Variants in LRRC4C observed in about 807,000 individuals in gnomAD.
LRRC4C encodes the protein leucine rich repeat containing 4C, also known as leucine-rich repeat-containing protein 4C.
LRRC4C carries 5 observed loss-of-function variants against 33.6 expected under a neutral mutation model. That is an observed-to-expected ratio of 0.15 (90% CI 0.08 to 0.31). The LOEUF is 0.31. Among genes scored for constraint, LRRC4C ranks in the 10% least tolerant of loss-of-function variants. LRRC4C has a pLI of 1.00. For synonymous variants in LRRC4C, 329 were observed against 302.0 expected, an observed-to-expected ratio of 1.09 and a Z score of -0.93; for missense variants, 560 against 796.7, an observed-to-expected ratio of 0.70 and a Z score of 3.58.
At chr11:40,172,770 C>T (rs999394112) in intron 5 of LRRC4C, among the ~76,000 whole-genome samples, 3 of 152,060 alleles carry the variant, frequency 2.0e-5, no homozygotes, top group African/African-American at 7.2e-5. Flanking sequence ...ATTCATAATG[C>T]TCTGTGTTAT....
rs774619658 is a variant in LRRC4C, at chr11:40,115,185, C to T, written c.1108G>A (p.Ala370Thr). 1.9e-6 allele frequency: 3 copies of T among 1,614,216 alleles called. No individual in the cohort carries two copies. The highest frequency in any genetic ancestry group is 4.5e-5 in the East Asian group (2 of 44,880). Residue 370 changes from alanine (A) to threonine (T), a missense_variant, in exon 7 of 7, where the codon GCA becomes ACA. Ala to Thr is a moderately conservative substitution (Grantham distance 58). Transcript: ENST00000528697. The surrounding 1 kb of genome is among the most constrained non-coding windows in gnomAD (Gnocchi z 6.7). ...GAGGCCCGACATTTCAGCTCAGCTG[C>T]CATGCCTTCAGTGACATTGAGGTCT... Reference protein sequence around the residue: ...PADLNVTEGMAAELKCRASTS... With the variant: ...PADLNVTEGMTAELKCRASTS...
chr11:40,793,374 C>T (rs771529607), intron 2 of LRRC4C, among the ~76,000 whole-genome samples: 7 of 152,106 alleles, frequency 4.6e-5, no homozygotes, highest in Non-Finnish European at 1.0e-4. Context: ...AAATAAACTT[C>T]CTGGTATAAA....
chr11:40,140,338 C>T (rs187863424), intron 6 of LRRC4C, among the ~76,000 whole-genome samples: 1 of 152,052 alleles, frequency 6.6e-6, no homozygotes, highest in Non-Finnish European at 1.5e-5. Flanking sequence ...TATGTGTATG[C>T]GATGGTTTGC....
Position 41,416,613 on chromosome 11 carries a change from G to T in LRRC4C, c.-496+42818C>A, listed in dbSNP as rs117396939. Among the ~76,000 whole-genome samples the T allele has an allele frequency of 5.1e-3, 770 of 152,072 alleles. 3 individuals are homozygous for T. Among genetic ancestry groups the T allele is most frequent in the Non-Finnish European group, 7.9e-3 (540 of 67,938 alleles). On this transcript the variant is annotated intron_variant, in intron 1 of 6. Transcript: ENST00000528697. ...TTCTTTTCTGAATCTCATGGCTGGG[G>T]GACAGTGCGTGCAAGGGAAGGAGTA...
rs564081049 is a variant in LRRC4C at position 41,253,298 on chromosome 11, C to A, written c.-496+206133G>T. On this transcript the variant is annotated intron_variant, in intron 1 of 6. Transcript: ENST00000528697. ...GAATTCTCTTGGCTAATTCTTTTCA[C>A]TTTCTTTAATTATCTTTCCCACTAA... Among the ~76,000 whole-genome samples the A allele has an allele frequency of 8.5e-5, 13 of 152,190 alleles. No homozygotes were observed. The South Asian group carries it at 1.9e-3, about 22-fold the overall frequency.
rs1366549332 is a variant in LRRC4C, at chr11:40,275,677, T to G, written c.-175-34079A>C. On this transcript the variant is annotated intron_variant, in intron 4 of 6. Coordinates refer to ENST00000528697, the MANE Select transcript of LRRC4C (RefSeq NM_001258419.2). ...CACACTACTAGGTGGGTTCCCCTAA[T>G]GGAGAAGGTTGGCTGGCCCCAAGTG... Among the ~76,000 whole-genome samples, 3 of 152,204 alleles carry G rather than the reference T, an allele frequency of 2.0e-5. No individual in the cohort carries two copies. In the East Asian group the frequency reaches 5.8e-4, roughly 29 times the overall value.
intron 1 of LRRC4C, among the ~76,000 whole-genome samples, chr11:41,122,107 A>C (rs1942465935): frequency 6.6e-6 from 1 of 152,130 alleles, no homozygotes; most frequent in Non-Finnish European, 1.5e-5. Flanking sequence ...AAAAGCAAAA[A>C]TATATATAAA....
intron 1 of LRRC4C, among the ~76,000 whole-genome samples, chr11:40,943,529 A>G (rs771125119): frequency 1.3e-5 from 2 of 152,180 alleles, no homozygotes; most frequent in Non-Finnish European, 2.9e-5. Flanking sequence ...AGAGTAAGGG[A>G]TCATTTAAAC....
At chr11:40,287,019 T>C (rs1943889040) in intron 4 of LRRC4C, among the ~76,000 whole-genome samples, 1 of 152,142 alleles carries the variant, frequency 6.6e-6, no homozygotes, top group Non-Finnish European at 1.5e-5. Context: ...ATTTTGGGAA[T>C]ACTAAATTCC....
chr11:40,466,850 TA>T (rs1952676975), intron 3 of LRRC4C, among the ~76,000 whole-genome samples: 1 of 152,124 alleles, frequency 6.6e-6, no homozygotes, highest in South Asian at 2.1e-4. Context: ...TCTTCTCCTG[TA>T]AATTGGTTTT....
intron 2 of LRRC4C, among the ~76,000 whole-genome samples, chr11:40,762,998 A>G (rs762208032): frequency 1.3e-5 from 2 of 150,918 alleles, no homozygotes; most frequent in South Asian, 4.2e-4. Flanking sequence ...CTCAAAAATA[A>G]GAAAAGATAC....
chr11:41,019,563 AT>A (rs1235243283), intron 1 of LRRC4C, among the ~76,000 whole-genome samples: 1 of 152,018 alleles, frequency 6.6e-6, no homozygotes, highest in Non-Finnish European at 1.5e-5. Flanking sequence ...CTCAAATGGT[AT>A]TTCTGACTCT....
intron 5 of LRRC4C, among the ~76,000 whole-genome samples, chr11:40,216,683 G>T (rs561660604): frequency 6.6e-6 from 1 of 152,090 alleles, no homozygotes. Context: ...GCATAAAAGC[G>T]TTCTGTGAAT....
chr11:40,131,369 C>A (rs935157268), intron 6 of LRRC4C, among the ~76,000 whole-genome samples: 2 of 151,976 alleles, frequency 1.3e-5, no homozygotes, highest in African/African-American at 4.8e-5. Flanking sequence ...AAGTAAATTA[C>A]CAAAAATCAG....
intron 4 of LRRC4C, among the ~76,000 whole-genome samples, chr11:40,272,485 A>C (rs1156566100): frequency 6.6e-6 from 1 of 152,130 alleles, no homozygotes; most frequent in African/African-American, 2.4e-5. Flanking sequence ...TCTATTCTTT[A>C]ACCAAGATCC....
At chr11:40,938,945 A>G (rs1049999032) in intron 1 of LRRC4C, among the ~76,000 whole-genome samples, 2 of 152,212 alleles carry the variant, frequency 1.3e-5, no homozygotes, top group Non-Finnish European at 2.9e-5. Context: ...GTGGCCACAC[A>G]GGGCTGGGAC....
At chr11:40,677,908 T>A (rs1279481578) in intron 2 of LRRC4C, among the ~76,000 whole-genome samples, 1 of 152,060 alleles carries the variant, frequency 6.6e-6, no homozygotes, top group African/African-American at 2.4e-5. Context: ...TTACGTGCTA[T>A]CTTGAGTGGT....
chr11:40,193,354 A>C (rs1862002633), intron 5 of LRRC4C, among the ~76,000 whole-genome samples: 1 of 152,194 alleles, frequency 6.6e-6, no homozygotes, highest in Admixed American at 6.5e-5. Flanking sequence ...AGACCTGCAG[A>C]AGAGGGGCCT....
intron 1 of LRRC4C, among the ~76,000 whole-genome samples, chr11:41,195,245 A>G (rs182241337): frequency 3.9e-5 from 6 of 152,240 alleles, no homozygotes; most frequent in African/African-American, 9.6e-5. Flanking sequence ...ATTAAAGTAA[A>G]TACTATTTAA....
Sources: allele counts gnomAD v4.1 joint callset (sites outside exome capture counted in the v4.1 genomes callset), GRCh38; gene constraint gnomAD v4.1.1; non-coding constraint Gnocchi (gnomAD v3.1); transcripts MANE v1.5; gene names NCBI Gene and HGNC (gene_info 2026-07-23, HGNC 2026-07-21).